SAMD5: variants seen among roughly 807,000 people sequenced by gnomAD.
SAMD5 encodes the protein sterile alpha motif domain containing 5.
In SAMD5, 13 loss-of-function variants were observed where a neutral mutation model predicts 11.3. The observed-to-expected ratio is 1.15, with a 90% CI of 0.75 to 1.83. SAMD5 has a LOEUF of 1.83. Among genes scored for constraint, SAMD5 ranks in the 40% most tolerant of loss-of-function variants. The pLI, the probability that SAMD5 is intolerant of heterozygous loss-of-function variation, is 0.00. For missense variants in SAMD5, 255 were observed against 239.1 expected (o/e 1.07, Z -0.44); for synonymous variants, 129 against 111.3 (o/e 1.16, Z -1.00).
At chr6:147,797,376 A>G in the SAMD5 span, among the ~76,000 whole-genome samples, 8 of 124,472 alleles carry the variant, frequency 6.4e-5, no homozygotes, top group Non-Finnish European at 1.1e-4. Context: ...ACATTTATTG[A>G]TTTGCATATA....
In SAMD5 at chr6:147,625,015, C is replaced by T. The variant is rs117401230; in HGVS notation, c.163-112302C>T. ...TTAGGGCAATCCTTCTGTAGCTCAG[C>T]GCCCAGAACTCAGGGTAGAAGCAGG... On this transcript the variant is annotated intron_variant, in intron 1 of 1. Coordinates refer to the SAMD5 transcript ENST00000566741. Among the ~76,000 whole-genome samples, 14 of 152,266 alleles carry T rather than the reference C, an allele frequency of 9.2e-5. No individual in the cohort carries two copies. In the East Asian group the frequency reaches 1.9e-3, roughly 21 times the overall value.
At chr6:147,897,909 C>T in the SAMD5 span, among the ~76,000 whole-genome samples, 1 of 138,884 alleles carries the variant, frequency 7.2e-6, no homozygotes, top group Non-Finnish European at 1.5e-5. Flanking sequence ...CGGGCCACTG[C>T]ACTCCAGCCT....
chr6:147,825,351 C>T, the SAMD5 span, among the ~76,000 whole-genome samples: 14 of 151,932 alleles, frequency 9.2e-5, no homozygotes, highest in African/African-American at 3.4e-4. Context: ...TCATATCTTT[C>T]CATTTTGTAG....
At chr6:147,518,141 C>A (rs186221872) in intron 1 of SAMD5, among the ~76,000 whole-genome samples, 1 of 152,168 alleles carries the variant, frequency 6.6e-6, no homozygotes, top group Non-Finnish European at 1.5e-5. Flanking sequence ...TAAATCGTGC[C>A]CGGATATCAG....
intron 1 of SAMD5, among the ~76,000 whole-genome samples, chr6:147,714,279 A>G (rs1446247590): frequency 2.0e-5 from 3 of 152,202 alleles, no homozygotes; most frequent in Admixed American, 6.5e-5. Context: ...GGGCTTCCAA[A>G]TAGACTTTCT....
intron 1 of SAMD5, among the ~76,000 whole-genome samples, chr6:147,678,497 A>G (rs955228085): frequency 2.6e-5 from 4 of 152,204 alleles, no homozygotes; most frequent in Middle Eastern, 3.2e-3. Flanking sequence ...TCGCTGTAAC[A>G]TAAGTAATAA....
At chr6:147,643,574 A>G (rs1790345574) in intron 1 of SAMD5, among the ~76,000 whole-genome samples, 1 of 152,160 alleles carries the variant, frequency 6.6e-6, no homozygotes, top group Admixed American at 6.6e-5. Flanking sequence ...TCCCAAATTC[A>G]TTAGACTTAC....
At chr6:147,682,609 C>T (rs931471451) in intron 1 of SAMD5, among the ~76,000 whole-genome samples, 1 of 152,180 alleles carries the variant, frequency 6.6e-6, no homozygotes, top group Non-Finnish European at 1.5e-5. Flanking sequence ...GTGCAACTTT[C>T]TTTTTAATGA....
intron 1 of SAMD5, among the ~76,000 whole-genome samples, chr6:147,530,900 A>G (rs1481025325): frequency 6.6e-6 from 1 of 152,216 alleles, no homozygotes; most frequent in African/African-American, 2.4e-5. Flanking sequence ...AAATTGTGGA[A>G]CACAAATCCA....
the SAMD5 span, among the ~76,000 whole-genome samples, chr6:147,802,621 A>G: frequency 1.3e-5 from 2 of 152,254 alleles, no homozygotes; most frequent in African/African-American, 4.8e-5. Flanking sequence ...TTGTAGCGCC[A>G]TTATTCATAA....
At chr6:147,616,851 TCTGA>T (rs2128449703) in intron 1 of SAMD5, among the ~76,000 whole-genome samples, 1 of 152,310 alleles carries the variant, frequency 6.6e-6, no homozygotes, top group South Asian at 2.1e-4. Context: ...GTGAGAACTC[TCTGA>T]CTATCACTAG....
the SAMD5 span, among the ~76,000 whole-genome samples, chr6:147,819,847 A>C: frequency 6.6e-6 from 1 of 152,172 alleles, no homozygotes; most frequent in Admixed American, 6.5e-5. Flanking sequence ...GGGCCTGAGA[A>C]ACAGAGGCAG....
chr6:147,932,045 A>G, the SAMD5 span, among the ~76,000 whole-genome samples: 1 of 152,186 alleles, frequency 6.6e-6, no homozygotes, highest in Non-Finnish European at 1.5e-5. Flanking sequence ...TCGTGATGTA[A>G]TATTTTCTTG....
intron 1 of SAMD5, among the ~76,000 whole-genome samples, chr6:147,694,629 C>A (rs948582672): frequency 6.6e-6 from 1 of 152,066 alleles, no homozygotes; most frequent in Non-Finnish European, 1.5e-5. Context: ...CCAGCCTGGG[C>A]AACATAGGGA....
At chr6:147,880,349 G>C in the SAMD5 span, among the ~76,000 whole-genome samples, 1 of 148,860 alleles carries the variant, frequency 6.7e-6, no homozygotes. Context: ...TTTCTCTCTG[G>C]GTCTCTCTTG....
chr6:147,632,110 T>C (rs1274190848), intron 1 of SAMD5, among the ~76,000 whole-genome samples: 1 of 152,080 alleles, frequency 6.6e-6, no homozygotes. Flanking sequence ...CCATGAGGGA[T>C]AGAAGTTGGA....
At chr6:147,875,570 G>A in the SAMD5 span, among the ~76,000 whole-genome samples, 2 of 152,100 alleles carry the variant, frequency 1.3e-5, no homozygotes, top group Non-Finnish European at 2.9e-5. Context: ...CTGGTCTGTG[G>A]CCTGTTGGGA....
chr6:147,528,453 A>G (rs1788379934), intron 1 of SAMD5, among the ~76,000 whole-genome samples: 1 of 152,072 alleles, frequency 6.6e-6, no homozygotes, highest in Non-Finnish European at 1.5e-5. Flanking sequence ...TCCTCTTCTT[A>G]TAAGGACACC....
intron 1 of SAMD5, among the ~76,000 whole-genome samples, chr6:147,724,858 G>C (rs1021574967): frequency 1.4e-4 from 22 of 152,008 alleles, no homozygotes; most frequent in Non-Finnish European, 2.9e-4. Flanking sequence ...AAACCTAAGA[G>C]TTTGGTGATT....
Sources: allele counts gnomAD v4.1 joint callset (sites outside exome capture counted in the v4.1 genomes callset), GRCh38; gene constraint gnomAD v4.1.1; transcripts MANE v1.5; gene names NCBI Gene and HGNC (gene_info 2026-07-23, HGNC 2026-07-21).